The following KEL variants were observed in gnomAD, a reference collection of about 807,000 sequenced individuals.
KEL encodes the protein kell blood group glycoprotein.
Under a neutral mutation model 99.5 loss-of-function variants are expected in KEL, and 96 were observed. The ratio of observed to expected loss-of-function variants is 0.97; its 90% CI spans 0.82 to 1.14. KEL has a LOEUF of 1.14. Among genes scored for constraint, KEL ranks in the 50% most tolerant of loss-of-function variants. KEL has a pLI of 0.00. For synonymous variants in KEL, 355 were observed against 354.8 expected, an observed-to-expected ratio of 1.00 and a Z score of -0.01; for missense variants, 926 against 924.2, an observed-to-expected ratio of 1.00 and a Z score of -0.03.
Position 142,941,286 on chromosome 7 carries a change from A to G in KEL, c.2165T>C (p.Leu722Pro). 1 of 1,614,122 alleles carries G rather than the reference A, an allele frequency of 6.2e-7. No homozygotes were observed. The highest frequency in any genetic ancestry group is 8.5e-7 in the Non-Finnish European group (1 of 1,180,046). The change falls in exon 19 of 19, where the codon CTC becomes CCC. Residue 722 changes from leucine (L) to proline (P), a missense_variant. Coordinates refer to ENST00000355265, the MANE Select transcript of KEL (RefSeq NM_000420.3). ...CTGGCAGCGGCTGGAGGGGTTCAAG[A>G]GAGCACCACGTGCACAGCGGAAATA... ...ARYFRCARGALLNPSSRCQLW is the reference protein window; with the variant it reads ...ARYFRCARGAPLNPSSRCQLW
chr7:142,952,303 T>C (rs1397686720), intron 10 of KEL, among the ~76,000 whole-genome samples: 1 of 152,170 alleles, frequency 6.6e-6, no homozygotes, highest in East Asian at 1.9e-4. Context: ...CTGGGAGATG[T>C]GTGCCTGAAG....
chr7:142,952,439 A>G, intron 10 of KEL, 70 bp downstream of exon 10: 5 of 1,593,522 alleles, frequency 3.1e-6, no homozygotes, highest in Non-Finnish European at 4.3e-6. Context: ...AGAGATGCCG[A>G]CATTTACCCC....
chr7:142,941,256 C>A lies in KEL; in HGVS notation c.2195G>T (p.Trp732Leu). 1 of 1,614,042 alleles carries A rather than the reference C, an allele frequency of 6.2e-7. No individual in the cohort carries two copies. The highest frequency in any genetic ancestry group is 8.5e-7 in the Non-Finnish European group (1 of 1,180,022). Reference protein sequence around the residue: ...LLNPSSRCQLW With the variant: ...LLNPSSRCQLL ...GTGGCATCTTTGGTAACCAAGTTAC[C>A]AGAGCTGGCAGCGGCTGGAGGGGTT... Residue 732 changes from tryptophan (W) to leucine (L), a missense_variant, in exon 19 of 19, where the codon TGG becomes TTG. Coordinates refer to ENST00000355265, the MANE Select transcript of KEL (RefSeq NM_000420.3).
At chr7:142,953,450 A>G (rs1285192195) in intron 9 of KEL, 6 of 921,684 alleles carry the variant, frequency 6.5e-6, no homozygotes, top group Non-Finnish European at 7.8e-6. Context: ...CTAAAAAGAC[A>G]TACATACACT....
rs370130119 is a variant in KEL at position 142,961,443 on chromosome 7, C to T, written c.140G>A (p.Arg47Gln). The T allele has an allele frequency of 2.9e-5, 46 of 1,612,778 alleles. No homozygotes were observed. The highest frequency in any genetic ancestry group is 6.7e-5 in the Admixed American group (4 of 59,884). ...CAAAATCAGGATAGCTGTCAGCACCCGCCTGGCCACTGCCCATGGCCTGCT... is the reference window on the plus strand; with the variant it reads ...CAAAATCAGGATAGCTGTCAGCACCTGCCTGGCCACTGCCCATGGCCTGCT... Reference protein sequence around the residue: ...EGSRPWAVARRVLTAILILGL... With the variant: ...EGSRPWAVARQVLTAILILGL... Residue 47 changes from arginine to glutamine, a missense_variant, in exon 3 of 19, where the codon CGG becomes CAG. Coordinates refer to ENST00000355265, the MANE Select transcript of KEL (RefSeq NM_000420.3).
intron 6 of KEL, among the ~76,000 whole-genome samples, chr7:142,956,673 T>A (rs1796837843): frequency 6.6e-6 from 1 of 152,146 alleles, no homozygotes; most frequent in African/African-American, 2.4e-5. Context: ...CCTCCACTTG[T>A]GTGAATTAAC....
In KEL at chr7:142,958,310, A is replaced by G. The variant is rs1420831407; in HGVS notation, c.519T>C (p.Ile173=). The stretch of plus-strand genomic sequence containing the variant: ...ATATCCCAACTTTTCTCACCTCCTC[A>G]ATAACTTGTCTGAGGGGACCAGTCC... ...AAGTGPLRQV[I]EELGGWRISG... Residue 173 remains isoleucine (I), a synonymous_variant, in exon 5 of 19, where the codon ATT becomes ATC. Transcript: ENST00000355265. 1 of 1,613,992 alleles carries G rather than the reference A, an allele frequency of 6.2e-7. No homozygotes were observed. Among genetic ancestry groups the G allele is most frequent in the African/African-American group, 1.3e-5 (1 of 74,900 alleles).
At chr7:142,955,346 T>C in intron 6 of KEL, among the ~76,000 whole-genome samples, 1 of 152,190 alleles carries the variant, frequency 6.6e-6, no homozygotes, top group East Asian at 1.9e-4. Context: ...TCAAGAAAAG[T>C]CCTCAATGTA....
rs773666108 is a variant in KEL at position 142,943,317 on chromosome 7, C to T, written c.1730G>A (p.Ser577Asn). The T allele has an allele frequency of 1.2e-6, 2 of 1,614,128 alleles. No individual in the cohort carries two copies. The highest frequency in any genetic ancestry group is 3.3e-5 in the Admixed American group (2 of 60,022). The change falls in exon 16 of 19, where the codon AGC (serine) becomes AAC (asparagine). Residue 577 changes from serine (S) to asparagine (N), a missense_variant. Transcript: ENST00000355265. ...PRAVNFGAAG[S>N]IMAHELLHIF... ...GTGCAACAGCTCGTGGGCCATGATG[C>T]TGCCAGCAGCGCCAAAGTTCACGGC... is the stretch of plus-strand genomic sequence containing the variant.
At position 142,942,538 on chromosome 7, in the gene KEL, G is replaced by A. The variant is rs767325080; in HGVS notation, c.1942-9C>T. ...AGCCTCTTGCTGTATGCCTGGGTAG[G>A]GGTGGGTAGAGAAGGGCCATCAGGC... is the stretch of plus-strand genomic sequence containing the variant. On this transcript the variant is annotated splice_polypyrimidine_tract_variant and intron_variant, in intron 17 of 18. Coordinates refer to ENST00000355265, the MANE Select transcript of KEL (RefSeq NM_000420.3). 2 of 1,595,146 alleles carry A rather than the reference G, an allele frequency of 1.3e-6. No homozygotes were observed. The highest frequency in any genetic ancestry group is 4.5e-5 in the East Asian group (2 of 44,480).
intron 7 of KEL, 31 bp downstream of exon 7, chr7:142,954,434 G>A: frequency 8.1e-6 from 13 of 1,611,870 alleles, no homozygotes; most frequent in South Asian, 1.1e-5. Flanking sequence ...TGGCCTCAGA[G>A]GGCAGGGCCT....
intron 5 of KEL, 47 bp downstream of exon 5, chr7:142,958,257 C>T (rs1452789108): frequency 8.7e-6 from 14 of 1,613,422 alleles, no homozygotes; most frequent in African/African-American, 1.3e-5. Flanking sequence ...ATGCATTGGT[C>T]CCATATGTTA....
rs989603833 is a variant in KEL at position 142,944,815 on chromosome 7, G to C, written c.1315-74C>G. The C allele has an allele frequency of 1.2e-5, 15 of 1,224,066 alleles. No individual in the cohort carries two copies. In the African/African-American group the frequency reaches 2.1e-4, roughly 17 times the overall value. The allele number at this position is 1,224,066 out of a possible 1,614,324, so 75.8% of individuals were successfully genotyped here. ...CAGCCTGGCCCTGCCCACAGCTTCT[G>C]ACCCTTGGAAAAGGGCTTGGCCCCA... On this transcript the variant is annotated intron_variant, in intron 11 of 18. Coordinates refer to ENST00000355265, the MANE Select transcript of KEL (RefSeq NM_000420.3).
intron 6 of KEL, among the ~76,000 whole-genome samples, chr7:142,955,299 A>C (rs1796802108): frequency 6.6e-6 from 1 of 152,218 alleles, no homozygotes; most frequent in Non-Finnish European, 1.5e-5. Flanking sequence ...CCAAAAAAAC[A>C]TACTTTTAGT....
intron 1 of KEL, 37 bp from the exon 2 acceptor site, chr7:142,961,909 TG>T: frequency 2.5e-6 from 4 of 1,610,196 alleles, no homozygotes; most frequent in Non-Finnish European, 3.4e-6. Context: ...AGAGAGAAGC[TG>T]GTTCAGGAAA....
intron 6 of KEL, among the ~76,000 whole-genome samples, chr7:142,955,312 AT>A (rs1796802806): frequency 6.6e-6 from 1 of 152,212 alleles, no homozygotes; most frequent in Non-Finnish European, 1.5e-5. Context: ...CTTTTAGTCA[AT>A]TTTGAAAAGA....
chr7:142,950,602 C>T (rs917996889), intron 10 of KEL, among the ~76,000 whole-genome samples: 1 of 152,240 alleles, frequency 6.6e-6, no homozygotes, highest in Admixed American at 6.5e-5. Context: ...TGATCTCTCC[C>T]TCTTGGGAAC....
chr7:142,960,879 C>T (rs773959000), intron 4 of KEL, 49 bp downstream of exon 4: 2 of 1,573,684 alleles, frequency 1.3e-6, no homozygotes, highest in Non-Finnish European at 1.7e-6. Flanking sequence ...TCATTTTAGG[C>T]ACAGAGTCAC....
intron 10 of KEL, among the ~76,000 whole-genome samples, chr7:142,951,328 C>T (rs965116063): frequency 1.3e-5 from 2 of 152,196 alleles, no homozygotes; most frequent in East Asian, 3.9e-4. Context: ...TTTGTAGCAA[C>T]CCCAATTAAG....
Sources: gnomAD v4.1 joint callset for allele counts (sites outside exome capture counted in the v4.1 genomes callset) on GRCh38, gnomAD v4.1.1 for gene constraint, MANE v1.5 for transcripts, NCBI Gene and HGNC (gene_info 2026-07-23, HGNC 2026-07-21) for gene names.